PEX5L: variants seen among roughly 807,000 people sequenced by gnomAD.
PEX5L encodes the protein peroxisomal biogenesis factor 5 like, also known as PEX5-related protein.
In PEX5L, 30 loss-of-function variants were observed where a neutral mutation model predicts 84.0. The observed-to-expected ratio is 0.36, with a 90% CI of 0.27 to 0.48. The LOEUF is 0.48. Ranked by LOEUF, PEX5L falls within the 20% of genes least tolerant of loss-of-function variation. The pLI is 0.99. For synonymous variants in PEX5L, 270 were observed against 283.1 expected (o/e 0.95, Z 0.46); for missense variants, 533 against 754.6 (o/e 0.71, Z 3.44).
At chr3:179,975,748 C>T (rs536934523) in intron 1 of PEX5L, among the ~76,000 whole-genome samples, 13 of 152,360 alleles carry the variant, frequency 8.5e-5, no homozygotes, top group Admixed American at 6.5e-4. Flanking sequence ...TTCTCTACCA[C>T]TTTCCTTCCC....
At chr3:179,901,201 ATATATATGTAATTGTT>A (rs1761213100) in intron 2 of PEX5L, among the ~76,000 whole-genome samples, 1 of 150,078 alleles carries the variant, frequency 6.7e-6, no homozygotes, top group Non-Finnish European at 1.5e-5. Flanking sequence ...ACATTGTAAG[ATATATATGTAATTGTT>A]CAGACTTCAG....
At chr3:179,879,819 G>T in intron 5 of PEX5L, 110 bp downstream of exon 5, 1 of 696,326 alleles carries the variant, frequency 1.4e-6, no homozygotes. Flanking sequence ...ACCATGGAAT[G>T]CCTTTTCTAC....
At chr3:179,961,472 C>G (rs1471527962) in intron 2 of PEX5L, among the ~76,000 whole-genome samples, 1 of 151,802 alleles carries the variant, frequency 6.6e-6, no homozygotes, top group Non-Finnish European at 1.5e-5. Flanking sequence ...TGGTGCTGAG[C>G]AGAGAAGAAA....
chr3:180,027,912 T>A (rs1215024578), intron 1 of PEX5L, among the ~76,000 whole-genome samples: 1 of 152,194 alleles, frequency 6.6e-6, no homozygotes, highest in Non-Finnish European at 1.5e-5. Flanking sequence ...TGTTTTCTCA[T>A]AATTAGACTC....
intron 7 of PEX5L, among the ~76,000 whole-genome samples, chr3:179,869,147 G>A (rs1341293306): frequency 6.6e-6 from 1 of 152,102 alleles, no homozygotes; most frequent in Non-Finnish European, 1.5e-5. Flanking sequence ...TTGGAGAGCT[G>A]GCTGCTGCAC....
At chr3:180,013,484 T>C (rs1053035822) in intron 1 of PEX5L, among the ~76,000 whole-genome samples, 8 of 152,252 alleles carry the variant, frequency 5.3e-5, no homozygotes, top group East Asian at 1.9e-4. Flanking sequence ...TAAATACTTA[T>C]TTTCTATAAT....
rs1464391968 is a variant in PEX5L at position 179,971,601 on chromosome 3, T to C, written c.86A>G (p.Gln29Arg). The C allele has an allele frequency of 6.2e-7, 1 of 1,607,538 alleles. No homozygotes were observed. ...SDEDLEIIVD[Q>R]KQGKGSRAAD... is the part of the protein sequence containing the mutation. ...ACGTAAGTATTCACTTACCTGCTTTTGATCAACAATTATTTCGAGGTCTTC... is the reference window on the plus strand; with the variant it reads ...ACGTAAGTATTCACTTACCTGCTTTCGATCAACAATTATTTCGAGGTCTTC... Residue 29 changes from glutamine to arginine, a missense_variant, in exon 2 of 15, where the codon CAA becomes CGA. Physicochemically the swap from Gln to Arg is conservative, Grantham distance 43. Around this residue, in one of 8 missense-constraint regions of PEX5L, gnomAD observed 259 missense variants for 301.7 expected, o/e 0.86. Transcript: ENST00000467460.
At chr3:179,912,298 T>C (rs1289473759) in intron 2 of PEX5L, among the ~76,000 whole-genome samples, 1 of 152,052 alleles carries the variant, frequency 6.6e-6, no homozygotes, top group African/African-American at 2.4e-5. Context: ...CAGATATATA[T>C]CAAAAGAGAC....
chr3:179,861,271 C>T (rs1199567275), intron 7 of PEX5L, among the ~76,000 whole-genome samples: 1 of 152,152 alleles, frequency 6.6e-6, no homozygotes, highest in Non-Finnish European at 1.5e-5. Context: ...CTTTCCTTAG[C>T]CCCAGAAGGT....
chr3:179,854,128 G>A (rs1743001073), intron 8 of PEX5L, among the ~76,000 whole-genome samples: 1 of 149,456 alleles, frequency 6.7e-6, no homozygotes, highest in African/African-American at 2.5e-5. Flanking sequence ...AGGATTACAG[G>A]CATGAGGCAC....
At position 180,036,780 on chromosome 3, in the gene PEX5L, G is replaced by A; in HGVS notation, c.-181C>T. Reference sequence around the variant, plus strand: ...CCACTCGGCAGCGCTGCGGGCTGCCGGGAACTGTTCTCCGCTCGGGGTGCT... The same window carrying A: ...CCACTCGGCAGCGCTGCGGGCTGCCAGGAACTGTTCTCCGCTCGGGGTGCT... On this transcript the variant is annotated 5_prime_UTR_variant, in exon 1 of 15. Coordinates refer to ENST00000467460, the MANE Select transcript of PEX5L (RefSeq NM_016559.3). The A allele has an allele frequency of 1.5e-6, 1 of 657,252 alleles. No individual in the cohort carries two copies. The highest frequency in any genetic ancestry group is 2.5e-5 in the Admixed American group (1 of 40,770). The allele number at this position is 657,252 out of a possible 1,614,324, so 40.7% of individuals were successfully genotyped here.
intron 2 of PEX5L, among the ~76,000 whole-genome samples, chr3:179,944,668 C>T (rs1483810546): frequency 1.3e-5 from 2 of 152,190 alleles, no homozygotes; most frequent in African/African-American, 2.4e-5. Context: ...AGTTTATAAA[C>T]CAATTCTGGT....
intron 1 of PEX5L, among the ~76,000 whole-genome samples, chr3:180,019,483 C>A (rs1312134172): frequency 1.3e-5 from 2 of 152,072 alleles, no homozygotes; most frequent in Non-Finnish European, 2.9e-5. Flanking sequence ...TATGAGGATA[C>A]CTCATTTTAA....
At chr3:179,830,553 T>G (rs1732456406) in intron 8 of PEX5L, among the ~76,000 whole-genome samples, 1 of 152,208 alleles carries the variant, frequency 6.6e-6, no homozygotes, top group African/African-American at 2.4e-5. Flanking sequence ...ATACAGCTAT[T>G]CGTGCCTAAT....
At chr3:179,926,878 C>A (rs1426229018) in intron 2 of PEX5L, among the ~76,000 whole-genome samples, 1 of 152,178 alleles carries the variant, frequency 6.6e-6, no homozygotes, top group Non-Finnish European at 1.5e-5. Flanking sequence ...TGGTCACCAT[C>A]CAAAACAATT....
intron 1 of PEX5L, among the ~76,000 whole-genome samples, chr3:179,990,088 T>C (rs541782805): frequency 5.9e-5 from 9 of 152,354 alleles, no homozygotes; most frequent in African/African-American, 2.2e-4. Flanking sequence ...AGTGCTGCCA[T>C]GGCCAGTCAG....
At chr3:179,829,094 C>T (rs1731667639) in intron 8 of PEX5L, among the ~76,000 whole-genome samples, 1 of 152,116 alleles carries the variant, frequency 6.6e-6, no homozygotes, top group African/African-American at 2.4e-5. Flanking sequence ...ATTATGTATA[C>T]AGAGTAGACA....
chr3:179,821,853 G>C (rs376118156), intron 8 of PEX5L, among the ~76,000 whole-genome samples: 3 of 152,226 alleles, frequency 2.0e-5, no homozygotes, highest in African/African-American at 7.2e-5. Flanking sequence ...CATGTTAATA[G>C]AAATGTGCCT....
At chr3:179,925,990 T>C (rs548624036) in intron 2 of PEX5L, among the ~76,000 whole-genome samples, 35 of 152,134 alleles carry the variant, frequency 2.3e-4, no homozygotes, top group Non-Finnish European at 4.4e-4. Flanking sequence ...TTAAAACCAA[T>C]CTCCCCCCTC....
Sources: gnomAD v4.1 joint callset for allele counts (sites outside exome capture counted in the v4.1 genomes callset) on GRCh38, gnomAD v4.1.1 for gene constraint, gnomAD v4.1.1 regional missense constraint, MANE v1.5 for transcripts, NCBI Gene and HGNC (gene_info 2026-07-23, HGNC 2026-07-21) for gene names.